PLXNC1: variants seen among roughly 807,000 people sequenced by gnomAD.
The protein encoded by PLXNC1 is plexin-C1.
Under a neutral mutation model 178.2 loss-of-function variants are expected in PLXNC1, and 75 were observed. The observed-to-expected ratio is 0.42, with a 90% CI of 0.35 to 0.51. The LOEUF is 0.51. Among genes scored for constraint, PLXNC1 ranks in the 20% least tolerant of loss-of-function variants. The probability of loss-of-function intolerance (pLI) is 0.02; values close to 1 mark genes in which losing one functional copy is unlikely to be tolerated. For missense variants in PLXNC1, 1,503 were observed against 1,984.4 expected, an observed-to-expected ratio of 0.76 and a Z score of 4.61; for synonymous variants, 790 against 779.9, an observed-to-expected ratio of 1.01 and a Z score of -0.22.
intron 22 of PLXNC1, chr12:94,280,155 G>GT: frequency 4.2e-6 from 1 of 238,114 alleles, no homozygotes; most frequent in South Asian, 5.1e-5. Flanking sequence ...TCCTCCCTCA[G>GT]TGTGCAGCAG....
chr12:94,254,888 G>A lies in PLXNC1; in HGVS notation c.2983G>A (p.Gly995Ser), dbSNP rs966884529. 6.2e-7 allele frequency: 1 copy of A among 1,605,242 alleles called. No homozygotes were observed. Among genetic ancestry groups the A allele is most frequent in the Non-Finnish European group, 8.5e-7 (1 of 1,174,732 alleles). The change falls in exon 16 of 31, where the codon GGC becomes AGC. Residue 995 changes from glycine to serine, a missense_variant and splice_region_variant. Gly to Ser is a moderately conservative substitution (Grantham distance 56, BLOSUM62 0). This residue lies in a region of PLXNC1 where 639 missense variants were observed against 979.7 expected (regional missense o/e 0.65). Coordinates refer to ENST00000258526, the MANE Select transcript of PLXNC1 (RefSeq NM_005761.3). ...ESELRKEIRD[G>S]FAELQMDKLD... Reference sequence around the variant, plus strand: ...CGAGCTCCGGAAAGAGATACGTGACGGTAGGCTCCAAAATTGTGTTTGTAG... The same window carrying A: ...CGAGCTCCGGAAAGAGATACGTGACAGTAGGCTCCAAAATTGTGTTTGTAG...
intron 26 of PLXNC1, among the ~76,000 whole-genome samples, chr12:94,298,166 T>TCG (rs1156656115): frequency 3.9e-5 from 6 of 152,262 alleles, no homozygotes; most frequent in Non-Finnish European, 8.8e-5. Flanking sequence ...CCAGCCTATT[T>TCG]GGCTTTTGTG....
In PLXNC1 at chr12:94,264,746, A is replaced by G. The variant is rs576627879; in HGVS notation, c.3451-333A>G. Among the ~76,000 whole-genome samples, 3 of 152,362 alleles carry G rather than the reference A, an allele frequency of 2.0e-5. No homozygotes were observed. The South Asian group carries it at 6.2e-4, about 32-fold the overall frequency. On this transcript the variant is annotated intron_variant, in intron 20 of 30. Coordinates refer to ENST00000258526, the MANE Select transcript of PLXNC1 (RefSeq NM_005761.3). ...AAACAAAGGTACACTCTCCACATCT[A>G]ACTGTTCCTAGGCATTAACCCACTG...
chr12:94,149,122 G>A lies in PLXNC1; in HGVS notation c.151G>A (p.Ala51Thr). 6.3e-7 allele frequency: 1 copy of A among 1,587,882 alleles called. No individual in the cohort carries two copies. Among genetic ancestry groups the A allele is most frequent in the African/African-American group, 1.4e-5 (1 of 72,302 alleles). The change falls in exon 1 of 31, where the codon GCG becomes ACG. Residue 51 changes from alanine (A) to threonine (T), a missense_variant. By Grantham distance (58) the Ala-to-Thr change is moderately conservative. This residue lies in a region of PLXNC1 where 176 missense variants were observed against 180.7 expected (regional missense o/e 0.97). Coordinates refer to ENST00000258526, the MANE Select transcript of PLXNC1 (RefSeq NM_005761.3). ...RSEQAIGAIA[A>T]SQEDGVFVAS... Reference sequence around the variant, plus strand: ...GGAGCAAGCCATCGGAGCCATCGCGGCGAGCCAGGAGGACGGCGTGTTTGT... The same window carrying A: ...GGAGCAAGCCATCGGAGCCATCGCGACGAGCCAGGAGGACGGCGTGTTTGT...
rs34551603 is a variant in PLXNC1, at chr12:94,275,854, CAAAAAAAAAAAA to C, written c.3598-3602_3598-3591del. Among the ~76,000 whole-genome samples the C allele has an allele frequency of 1.3e-4, 3 of 23,074 alleles. 1 individual carries two copies. The Admixed American group carries it at 2.0e-3, about 15-fold the overall frequency. 15.1% of individuals were successfully genotyped at this position (23,074 alleles called of 152,430 possible). On this transcript the variant is annotated intron_variant, in intron 21 of 30. Coordinates refer to ENST00000258526, the MANE Select transcript of PLXNC1 (RefSeq NM_005761.3). ...TGGGCGACAGAGCGAGACTCCGTCT[CAAAAAAAAAAAA>C]AAAAAAAAAAAAAAAGAAACTGCTG...
chr12:94,299,297 A>G (rs1968232627), intron 27 of PLXNC1, among the ~76,000 whole-genome samples: 1 of 152,182 alleles, frequency 6.6e-6, no homozygotes, highest in Non-Finnish European at 1.5e-5. Context: ...AAGGACAGGC[A>G]AGGCATCCAA....
chr12:94,237,247 A>T (rs1484473165), intron 9 of PLXNC1, among the ~76,000 whole-genome samples: 1 of 152,222 alleles, frequency 6.6e-6, no homozygotes, highest in African/African-American at 2.4e-5. Context: ...ATCTGGAATG[A>T]CATTTATTTC....
chr12:94,227,355 C>T, intron 9 of PLXNC1, 120 bp downstream of exon 9: 1 of 596,496 alleles, frequency 1.7e-6, no homozygotes. Flanking sequence ...CCAAAATTCC[C>T]TTTTGTGTCT....
intron 2 of PLXNC1, among the ~76,000 whole-genome samples, chr12:94,175,114 C>T (rs947890929): frequency 4.6e-5 from 7 of 152,130 alleles, no homozygotes; most frequent in South Asian, 4.1e-4. Flanking sequence ...TGTGTGTGCA[C>T]GCATGCACAG....
At chr12:94,259,769 T>C in intron 19 of PLXNC1, 35 bp downstream of exon 19, 1 of 1,554,994 alleles carries the variant, frequency 6.4e-7, no homozygotes, top group Non-Finnish European at 8.7e-7. Context: ...TAAAAGCCTT[T>C]AAGAAAAAAT....
At chr12:94,183,988 A>C (rs1268369537) in intron 3 of PLXNC1, among the ~76,000 whole-genome samples, 1 of 152,248 alleles carries the variant, frequency 6.6e-6, no homozygotes, top group East Asian at 1.9e-4. Context: ...TGGGATATCC[A>C]TAAAATGGTA....
chr12:94,294,463 A>G (rs776246298), intron 23 of PLXNC1, 23 bp from the exon 24 acceptor site: 131 of 1,110,842 alleles, frequency 1.2e-4, no homozygotes, highest in Middle Eastern at 1.0e-3. Context: ...GAACACTCAT[A>G]TATCTTTTAT....
chr12:94,182,417 CAAAAAAAAAAAAAA>C (rs10596280), intron 3 of PLXNC1, among the ~76,000 whole-genome samples: 531 of 43,434 alleles, frequency 0.012, 7 homozygotes, highest in African/African-American at 0.046. Context: ...GACCCTGTCT[CAAAAAAAAAAAAAA>C]AAAAAAAAAA....
At chr12:94,248,977 G>C (rs1296335573) in intron 14 of PLXNC1, among the ~76,000 whole-genome samples, 1 of 152,090 alleles carries the variant, frequency 6.6e-6, no homozygotes, top group Non-Finnish European at 1.5e-5. Context: ...CCACTGAGAA[G>C]GGAAACACAT....
chr12:94,282,354 A>C lies in PLXNC1; in HGVS notation c.3832A>C (p.Ile1278Leu), dbSNP rs1966504843. 1.9e-6 allele frequency: 3 copies of C among 1,614,066 alleles called. No individual in the cohort carries two copies. The highest frequency in any genetic ancestry group is 1.7e-6 in the Non-Finnish European group (2 of 1,179,912). ...TCTGGACATCGACAGTTCCTCCGTG[A>C]TTCTTGAAGATGGAATCACCAAGCT... ...ELLDIDSSSVILEDGITKLNT... is the reference protein window; with the variant it reads ...ELLDIDSSSVLLEDGITKLNT... The change falls in exon 23 of 31, where the codon ATT becomes CTT. Residue 1278 changes from isoleucine to leucine, a missense_variant. Physicochemically the swap from Ile to Leu is conservative, Grantham distance 5. Transcript: ENST00000258526.
Position 94,248,292 on chromosome 12 carries a change from T to C in PLXNC1, c.2658T>C (p.Asn886=). The change falls in exon 14 of 31, where the codon AAT becomes AAC. Residue 886 remains asparagine, a synonymous_variant. Coordinates refer to ENST00000258526, the MANE Select transcript of PLXNC1 (RefSeq NM_005761.3). ...AAATTACTCTCTTCCATGGGGAAAA[T>C]GGGCAATTAAATTGCAGTTTTGAAA... is the stretch of plus-strand genomic sequence containing the variant. The part of the protein sequence containing the change: ...DIEITLFHGE[N]GQLNCSFENI... The C allele has an allele frequency of 6.2e-7, 1 of 1,613,328 alleles. No individual in the cohort carries two copies. Among genetic ancestry groups the C allele is most frequent in the Admixed American group, 1.7e-5 (1 of 59,978 alleles).
intron 1 of PLXNC1, among the ~76,000 whole-genome samples, chr12:94,165,160 C>A (rs1379343927): frequency 1.3e-5 from 2 of 152,090 alleles, no homozygotes; most frequent in East Asian, 3.8e-4. Flanking sequence ...AGAAAATAGG[C>A]CCGAAAAAAA....
In PLXNC1 at chr12:94,265,096, C is replaced by G. The variant is rs2136089748; in HGVS notation, c.3468C>G (p.Pro1156=). Residue 1156 remains proline (P), a synonymous_variant, in exon 21 of 31, where the codon CCC becomes CCG. Transcript: ENST00000258526. ...SGFLRETVGE[P]FYLLVTTLNQ... ...TTTCCAAGGAGACTGTCGGAGAGCC[C>G]TTCTATTTGCTGGTGACGACTCTGA... is the stretch of plus-strand genomic sequence containing the variant. 5.0e-6 allele frequency: 8 copies of G among 1,614,096 alleles called. No homozygotes were observed. The East Asian group carries it at 1.8e-4, about 36-fold the overall frequency.
intron 30 of PLXNC1, 173 bp downstream of exon 30, chr12:94,304,224 C>T (rs879606566): frequency 3.8e-6 from 2 of 526,748 alleles, no homozygotes; most frequent in Admixed American, 6.9e-5. Context: ...TACATGGCTG[C>T]CCCCCTTACA....
Sources: gnomAD v4.1 joint callset for allele counts (sites outside exome capture counted in the v4.1 genomes callset) on GRCh38, gnomAD v4.1.1 for gene constraint, gnomAD v4.1.1 regional missense constraint, MANE v1.5 for transcripts, NCBI Gene and HGNC (gene_info 2026-07-23, HGNC 2026-07-21) for gene names.